Variants in CBFA2T2 observed in about 807,000 individuals in gnomAD.
CBFA2T2 encodes the protein CBFA2/RUNX1 partner transcriptional co-repressor 2, also known as protein CBFA2T2.
In CBFA2T2, 11 loss-of-function variants were observed where a neutral mutation model predicts 62.2. That is an observed-to-expected ratio of 0.18 (90% CI 0.11 to 0.29). The LOEUF is 0.29. CBFA2T2 is among the 10% of genes least tolerant of loss of function. The pLI, the probability that CBFA2T2 is intolerant of heterozygous loss-of-function variation, is 1.00. For missense variants in CBFA2T2, 592 were observed against 774.1 expected, an observed-to-expected ratio of 0.76 and a Z score of 2.79; for synonymous variants, 295 against 287.5, an observed-to-expected ratio of 1.03 and a Z score of -0.27.
intron 1 of CBFA2T2, among the ~76,000 whole-genome samples, chr20:33,527,033 CT>C (rs887210919): frequency 2.4e-4 from 37 of 152,294 alleles, no homozygotes; most frequent in African/African-American, 8.4e-4. Flanking sequence ...CAGTAAGTGA[CT>C]TTTGTTCCAG....
intron 1 of CBFA2T2, 31 bp from the exon 2 acceptor site, chr20:33,606,924 AC>A (rs779828475): frequency 1.8e-5 from 29 of 1,603,136 alleles, no homozygotes; most frequent in Non-Finnish European, 2.1e-5. Flanking sequence ...CTTTTAGAAA[AC>A]CCTAACCTCC....
chr20:33,588,040 A>G (rs1462948350), intron 1 of CBFA2T2, among the ~76,000 whole-genome samples: 3 of 152,232 alleles, frequency 2.0e-5, no homozygotes, highest in African/African-American at 7.2e-5. Context: ...ATAGACTGAG[A>G]GAACTATTAC....
intron 1 of CBFA2T2, among the ~76,000 whole-genome samples, chr20:33,565,977 T>A (rs1472410477): frequency 1.3e-5 from 2 of 152,194 alleles, no homozygotes; most frequent in Non-Finnish European, 2.9e-5. Flanking sequence ...TTGGGTCAGT[T>A]CATTGATGGT....
intron 1 of CBFA2T2, chr20:33,574,086 T>G: frequency 6.7e-7 from 1 of 1,492,966 alleles, no homozygotes; most frequent in Non-Finnish European, 9.0e-7. Context: ...ACCATACCAG[T>G]TCCTGTCTAG....
chr20:33,630,628 C>G (rs985328296), intron 8 of CBFA2T2, among the ~76,000 whole-genome samples: 1 of 152,180 alleles, frequency 6.6e-6, no homozygotes, highest in East Asian at 1.9e-4. Flanking sequence ...CTCAGTTATT[C>G]CCCTCAAAAT....
intron 10 of CBFA2T2, among the ~76,000 whole-genome samples, chr20:33,642,730 T>A (rs2016903207): frequency 2.0e-5 from 3 of 152,216 alleles, no homozygotes; most frequent in Non-Finnish European, 4.4e-5. Context: ...TGTATAGCCA[T>A]CCATATCAGT....
Position 33,574,036 on chromosome 20 carries a change from A to G in CBFA2T2, c.35-32920A>G, listed in dbSNP as rs183312747. 2.8e-4 allele frequency: 363 copies of G among 1,305,582 alleles called. 1 individual carries two copies. Among genetic ancestry groups the G allele is most frequent in the Admixed American group, 4.8e-4 (18 of 37,686 alleles). 80.9% of individuals were successfully genotyped at this position (1,305,582 alleles called of 1,614,324 possible). On this transcript the variant is annotated intron_variant, in intron 1 of 10. Coordinates refer to ENST00000342704, the MANE Select transcript of CBFA2T2 (RefSeq NM_001032999.3). Reference sequence around the variant, plus strand: ...ACTCCTGGGCTAAAGCGATCTTCCCATGTTGGCTGCCCAAAGTGCTGGGAT... The same window carrying G: ...ACTCCTGGGCTAAAGCGATCTTCCCGTGTTGGCTGCCCAAAGTGCTGGGAT...
intron 6 of CBFA2T2, among the ~76,000 whole-genome samples, 173 bp downstream of exon 6, chr20:33,625,190 C>T (rs984816903): frequency 6.6e-6 from 1 of 151,832 alleles, no homozygotes; most frequent in African/African-American, 2.4e-5. Context: ...TCATTTGATA[C>T]CTTGTTGCTA....
At chr20:33,616,231 C>T (rs1169382118) in intron 3 of CBFA2T2, among the ~76,000 whole-genome samples, 1 of 152,144 alleles carries the variant, frequency 6.6e-6, no homozygotes, top group Non-Finnish European at 1.5e-5. Context: ...CTAACTTTCC[C>T]TCTCCTGAGT....
chr20:33,574,473 G>T (rs75445078), intron 1 of CBFA2T2, among the ~76,000 whole-genome samples: 1 of 151,908 alleles, frequency 6.6e-6, no homozygotes, highest in African/African-American at 2.4e-5. Context: ...TAAAAATACA[G>T]AATTAGCCAG....
intron 1 of CBFA2T2, among the ~76,000 whole-genome samples, chr20:33,521,205 C>T (rs139013890): frequency 5.6e-4 from 85 of 152,218 alleles, no homozygotes; most frequent in African/African-American, 2.0e-3. Context: ...ATTCATTTAG[C>T]ACATTTACTT....
intron 8 of CBFA2T2, among the ~76,000 whole-genome samples, chr20:33,635,793 T>A (rs2016611080): frequency 6.6e-6 from 1 of 152,112 alleles, no homozygotes; most frequent in Non-Finnish European, 1.5e-5. Flanking sequence ...CAGGATGACC[T>A]GAGCCCAGGA....
chr20:33,520,060 G>A (rs778652798), intron 1 of CBFA2T2, among the ~76,000 whole-genome samples: 14 of 152,096 alleles, frequency 9.2e-5, no homozygotes, highest in Non-Finnish European at 1.9e-4. Flanking sequence ...CAGGAGAATC[G>A]CTTGAACCTG....
chr20:33,602,633 A>G (rs2015182492), intron 1 of CBFA2T2, among the ~76,000 whole-genome samples: 9 of 151,736 alleles, frequency 5.9e-5, no homozygotes, highest in Admixed American at 5.9e-4. Flanking sequence ...GAAGTATTGA[A>G]CCCTACATAC....
At chr20:33,539,944 T>TCCCC (rs1358080554) in intron 1 of CBFA2T2, among the ~76,000 whole-genome samples, 1 of 152,146 alleles carries the variant, frequency 6.6e-6, no homozygotes. Context: ...GTGCTGGGAT[T>TCCCC]ATTGGTGTGA....
intron 1 of CBFA2T2, among the ~76,000 whole-genome samples, chr20:33,524,138 AATT>A: frequency 6.6e-6 from 1 of 151,782 alleles, no homozygotes; most frequent in African/African-American, 2.4e-5. Context: ...CAGGTTTTAA[AATT>A]ATTATTATTA....
chr20:33,623,912 A>G (rs1270904805), intron 5 of CBFA2T2: 5 of 707,602 alleles, frequency 7.1e-6, no homozygotes, highest in Admixed American at 4.3e-5. Flanking sequence ...CCTCAGGAGT[A>G]CAGTTCTGCC....
chr20:33,612,448 TTTC>T (rs1184688177), intron 3 of CBFA2T2, among the ~76,000 whole-genome samples: 2 of 152,224 alleles, frequency 1.3e-5, no homozygotes, highest in African/African-American at 4.8e-5. Context: ...TCCAGGATCC[TTTC>T]TGGAGATCCA....
intron 1 of CBFA2T2, among the ~76,000 whole-genome samples, chr20:33,500,459 A>G (rs975685375): frequency 2.6e-5 from 4 of 152,110 alleles, no homozygotes; most frequent in Admixed American, 1.3e-4. Context: ...CTGTAATTCA[A>G]GCACTTTGGG....
Sources: allele counts gnomAD v4.1 joint callset (sites outside exome capture counted in the v4.1 genomes callset), GRCh38; gene constraint gnomAD v4.1.1; transcripts MANE v1.5; gene names NCBI Gene and HGNC (gene_info 2026-07-23, HGNC 2026-07-21).